COL4A1: variants seen among roughly 807,000 people sequenced by gnomAD.
The protein encoded by COL4A1 is collagen type IV alpha 1 chain.
In COL4A1, 40 loss-of-function variants were observed where a neutral mutation model predicts 216.6. The ratio of observed to expected loss-of-function variants is 0.18; its 90% CI spans 0.14 to 0.24. The LOEUF (loss-of-function observed/expected upper bound fraction) is 0.24, where lower values mean the gene tolerates loss of function less well. COL4A1 is among the 10% of genes least tolerant of loss of function. COL4A1 has a pLI of 1.00. For synonymous variants in COL4A1, 839 were observed against 810.7 expected (o/e 1.03, Z -0.59); for missense variants, 1,628 against 2,196.8 (o/e 0.74, Z 5.18).
intron 17 of COL4A1, among the ~76,000 whole-genome samples, chr13:110,204,829 G>A (rs1457394139): frequency 6.6e-6 from 1 of 152,084 alleles, no homozygotes; most frequent in Admixed American, 6.6e-5. Context: ...AAAAATACTT[G>A]TAAGCATACA....
intron 46 of COL4A1, among the ~76,000 whole-genome samples, chr13:110,164,604 A>C (rs1161711496): frequency 6.6e-6 from 1 of 152,176 alleles, no homozygotes; most frequent in Non-Finnish European, 1.5e-5. Context: ...CTTTGAGCCC[A>C]TGTTTTTCTA....
rs770951433 is a variant in COL4A1, at chr13:110,205,398, A to G, written c.912T>C (p.Pro304=). 1 of 1,614,188 alleles carries G rather than the reference A, an allele frequency of 6.2e-7. No homozygotes were observed. Among genetic ancestry groups the G allele is most frequent in the Non-Finnish European group, 8.5e-7 (1 of 1,180,040 alleles). Residue 304 remains proline, a synonymous_variant, in exon 17 of 52, where the codon CCT becomes CCC. Transcript: ENST00000375820. ...TGAGTCCTGGGTACCCGGGTTCACC[A>G]GGAAAACCCTGAAACCGAAGAGAGA... ...DKGEKGSPGF[P]GEPGYPGLIG...
chr13:110,239,327 A>G (rs892732541), intron 2 of COL4A1, among the ~76,000 whole-genome samples: 3 of 152,226 alleles, frequency 2.0e-5, no homozygotes, highest in African/African-American at 7.2e-5. Context: ...GAGATATTCC[A>G]GTTTCTGTTG....
chr13:110,203,235 T>C (rs1045109736), intron 18 of COL4A1, among the ~76,000 whole-genome samples: 1 of 151,932 alleles, frequency 6.6e-6, no homozygotes, highest in African/African-American at 2.4e-5. Flanking sequence ...GAGTCAAATA[T>C]GTTGCTAATA....
chr13:110,274,372 G>A (rs1883358117), intron 1 of COL4A1, among the ~76,000 whole-genome samples: 1 of 152,190 alleles, frequency 6.6e-6, no homozygotes, highest in South Asian at 2.1e-4. Context: ...GTTATTAGAT[G>A]TTCTGATCTG....
intron 2 of COL4A1, among the ~76,000 whole-genome samples, chr13:110,221,852 T>C (rs1165560561): frequency 1.3e-5 from 2 of 152,220 alleles, no homozygotes; most frequent in Non-Finnish European, 1.5e-5. Context: ...AAAAATATGA[T>C]GATGATCTTT....
chr13:110,219,690 G>GTGTGTATATATATGTATATATATGTA, intron 2 of COL4A1, among the ~76,000 whole-genome samples: 1 of 135,080 alleles, frequency 7.4e-6, no homozygotes, highest in East Asian at 2.1e-4. Context: ...GTATATATAT[G>GTGTGTATATATATGTATATATATGTA]TATATATATG....
intron 20 of COL4A1, among the ~76,000 whole-genome samples, chr13:110,200,301 C>T (rs1253908682): frequency 6.6e-6 from 1 of 152,200 alleles, no homozygotes; most frequent in East Asian, 1.9e-4. Flanking sequence ...GCGCAGTCTG[C>T]CAGGAAACAC....
chr13:110,286,434 A>G (rs1883846513), intron 1 of COL4A1, among the ~76,000 whole-genome samples: 1 of 152,252 alleles, frequency 6.6e-6, no homozygotes, highest in Admixed American at 6.5e-5. Flanking sequence ...CAGGAGCCTC[A>G]GGGTCCAGAG....
At chr13:110,269,502 TTA>T (rs1436711440) in intron 1 of COL4A1, among the ~76,000 whole-genome samples, 2 of 152,140 alleles carry the variant, frequency 1.3e-5, no homozygotes, top group East Asian at 3.9e-4. Context: ...TATTTTACAT[TTA>T]TCTTATGTAT....
rs1371582996 is a variant in COL4A1, at chr13:110,198,477, A to G, written c.1275T>C (p.Pro425=). The G allele has an allele frequency of 6.2e-7, 1 of 1,613,716 alleles. No homozygotes were observed. The highest frequency in any genetic ancestry group is 8.5e-7 in the Non-Finnish European group (1 of 1,179,974). Residue 425 remains proline (P), a synonymous_variant, in exon 21 of 52, where the codon CCT becomes CCC. Transcript: ENST00000375820. The part of the protein sequence containing the change: ...PPGSPGPPGQ[P]GYTNGIVECQ... ...TCTGAGGGAACTCACTTGTGTAGCC[A>G]GGCTGCCCAGGGGGCCCAGGGGAAC...
At chr13:110,185,165 A>G (rs2139171922) in intron 26 of COL4A1, among the ~76,000 whole-genome samples, 1 of 152,052 alleles carries the variant, frequency 6.6e-6, no homozygotes, top group South Asian at 2.1e-4. Flanking sequence ...TTTATTTTTG[A>G]GACGGAGTCT....
In COL4A1 at chr13:110,170,647, A is replaced by G; in HGVS notation, c.3642T>C (p.Pro1214=). 3 of 1,613,808 alleles carry G rather than the reference A, an allele frequency of 1.9e-6. No individual in the cohort carries two copies. Among genetic ancestry groups the G allele is most frequent in the South Asian group, 1.1e-5 (1 of 90,970 alleles). ...ACCCCGGCTGTCCCTGGGGCCCCGG[A>G]GGACCCATGAATCCTTGCTCTCCTT... ...GSKGEQGFMG[P]PGPQGQPGLP... The change falls in exon 42 of 52, where the codon CCT becomes CCC. Residue 1214 remains proline (P), a synonymous_variant. Transcript: ENST00000375820.
intron 2 of COL4A1, among the ~76,000 whole-genome samples, chr13:110,219,671 T>TGTGC (rs1880284991): frequency 1.3e-5 from 1 of 77,708 alleles, no homozygotes; most frequent in East Asian, 3.6e-4. Flanking sequence ...TGTATATATA[T>TGTGC]ATATATGTGT....
chr13:110,232,390 C>T (rs1881103142), intron 2 of COL4A1, among the ~76,000 whole-genome samples: 1 of 152,192 alleles, frequency 6.6e-6, no homozygotes, highest in Non-Finnish European at 1.5e-5. Context: ...GTGCAGTTCT[C>T]CACACCCACA....
At chr13:110,204,909 CA>C (rs1375795394) in intron 17 of COL4A1, among the ~76,000 whole-genome samples, 1 of 152,156 alleles carries the variant, frequency 6.6e-6, no homozygotes, top group Non-Finnish European at 1.5e-5. Context: ...CACTGACGGC[CA>C]TTGAAATAGA....
intron 26 of COL4A1, among the ~76,000 whole-genome samples, chr13:110,183,700 G>C (rs553286456): frequency 1.3e-5 from 2 of 152,170 alleles, no homozygotes; most frequent in Non-Finnish European, 2.9e-5. Context: ...AATTACGGTC[G>C]TTTGGTGGGA....
chr13:110,177,972 G>A, intron 32 of COL4A1, 41 bp from the exon 33 acceptor site: 1 of 1,613,844 alleles, frequency 6.2e-7, no homozygotes, highest in South Asian at 1.1e-5. Context: ...TTCTTGCTCT[G>A]AATGCTGACA....
chr13:110,152,795 A>C (rs1371105268), intron 50 of COL4A1, among the ~76,000 whole-genome samples: 1 of 152,224 alleles, frequency 6.6e-6, no homozygotes, highest in Non-Finnish European at 1.5e-5. Context: ...AGAAGAGCTC[A>C]CTGTGTATTA....
Sources: allele counts gnomAD v4.1 joint callset (sites outside exome capture counted in the v4.1 genomes callset), GRCh38; gene constraint gnomAD v4.1.1; transcripts MANE v1.5; gene names NCBI Gene and HGNC (gene_info 2026-07-23, HGNC 2026-07-21).